Variants in ANKS1B observed in about 807,000 individuals in gnomAD.
ANKS1B encodes the protein ankyrin repeat and sterile alpha motif domain containing 1B, also known as ankyrin repeat and sterile alpha motif domain-containing protein 1B.
In ANKS1B, 36 loss-of-function variants were observed where a neutral mutation model predicts 148.3. The ratio of observed to expected loss-of-function variants is 0.24; its 90% CI spans 0.19 to 0.32. The LOEUF (loss-of-function observed/expected upper bound fraction) is 0.32. ANKS1B is among the 10% of genes least tolerant of loss of function. ANKS1B has a pLI of 1.00. For synonymous variants in ANKS1B, 542 were observed against 560.8 expected, an observed-to-expected ratio of 0.97 and a Z score of 0.47; for missense variants, 1,157 against 1,542.6, an observed-to-expected ratio of 0.75 and a Z score of 4.19.
At chr12:99,034,506 G>C (rs1385631445) in intron 17 of ANKS1B, among the ~76,000 whole-genome samples, 4 of 152,196 alleles carry the variant, frequency 2.6e-5, no homozygotes, top group African/African-American at 9.6e-5. Context: ...TGTAGAGACG[G>C]GGTTTCGCCA....
intron 1 of ANKS1B, among the ~76,000 whole-genome samples, chr12:99,911,615 A>C (rs918217426): frequency 6.6e-6 from 1 of 152,210 alleles, no homozygotes. Flanking sequence ...CCCATTAGCA[A>C]TATAACACAT....
intron 1 of ANKS1B, among the ~76,000 whole-genome samples, chr12:99,924,596 AC>A (rs1235527492): frequency 1.3e-5 from 2 of 152,122 alleles, no homozygotes; most frequent in Non-Finnish European, 2.9e-5. Flanking sequence ...AAGAGGTGGA[AC>A]CTTTTGGGAA....
intron 8 of ANKS1B, among the ~76,000 whole-genome samples, chr12:99,760,197 T>C (rs1044002507): frequency 6.6e-6 from 1 of 151,666 alleles, no homozygotes; most frequent in Non-Finnish European, 1.5e-5. Context: ...TCATTAACAA[T>C]TAGAAAAAAA....
chr12:99,548,245 G>A (rs186975807), intron 9 of ANKS1B, among the ~76,000 whole-genome samples: 124 of 152,106 alleles, frequency 8.2e-4, no homozygotes, highest in African/African-American at 2.7e-3. Flanking sequence ...TTTGCTATAG[G>A]TTGCTAACTA....
At chr12:99,251,401 C>A (rs1470339939) in intron 12 of ANKS1B, among the ~76,000 whole-genome samples, 1 of 152,092 alleles carries the variant, frequency 6.6e-6, no homozygotes, top group East Asian at 1.9e-4. Flanking sequence ...AAAAAGTATA[C>A]TTTGGAAAGA....
chr12:99,114,729 G>C (rs377566011), intron 15 of ANKS1B, among the ~76,000 whole-genome samples: 19 of 151,928 alleles, frequency 1.3e-4, no homozygotes, highest in African/African-American at 4.3e-4. Context: ...TCCAGCCTTG[G>C]TGACAGAGCG....
intron 12 of ANKS1B, among the ~76,000 whole-genome samples, chr12:99,298,279 G>A (rs575380091): frequency 6.6e-5 from 10 of 152,310 alleles, no homozygotes; most frequent in Non-Finnish European, 8.8e-5. Flanking sequence ...TAATCCCCAC[G>A]TGTCAAGGGC....
intron 17 of ANKS1B, among the ~76,000 whole-genome samples, chr12:98,914,207 ACT>A (rs533695407): frequency 6.6e-6 from 1 of 150,628 alleles, no homozygotes; most frequent in Non-Finnish European, 1.5e-5. Flanking sequence ...GTACCTCCCC[ACT>A]CTCTCTTGAT....
At chr12:99,245,176 G>A (rs1392149960) in intron 13 of ANKS1B, among the ~76,000 whole-genome samples, 1 of 152,096 alleles carries the variant, frequency 6.6e-6, no homozygotes, top group Non-Finnish European at 1.5e-5. Flanking sequence ...CTAACCAAAT[G>A]GTTTGACCAA....
chr12:99,448,385 C>T (rs553490900), intron 10 of ANKS1B, among the ~76,000 whole-genome samples: 1 of 152,080 alleles, frequency 6.6e-6, no homozygotes, highest in Non-Finnish European at 1.5e-5. Flanking sequence ...TATATGAAAT[C>T]TAAACAAAGT....
At chr12:99,616,012 C>A (rs1167814875) in intron 9 of ANKS1B, among the ~76,000 whole-genome samples, 7 of 151,946 alleles carry the variant, frequency 4.6e-5, no homozygotes, top group East Asian at 1.9e-4. Flanking sequence ...AAGCAGAGAG[C>A]CAAATCATGA....
intron 17 of ANKS1B, among the ~76,000 whole-genome samples, chr12:98,924,427 T>G (rs12811901): frequency 0.091 from 13,859 of 152,214 alleles, 770 homozygotes; most frequent in Admixed American, 0.18. Flanking sequence ...TTTTCTTCTA[T>G]GCTAAATGGC....
intron 17 of ANKS1B, among the ~76,000 whole-genome samples, chr12:98,839,067 A>G (rs1047557550): frequency 1.3e-5 from 2 of 152,214 alleles, no homozygotes; most frequent in South Asian, 4.1e-4. Context: ...GCAATAATCC[A>G]TGTCCAGCAT....
intron 10 of ANKS1B, among the ~76,000 whole-genome samples, chr12:99,481,381 G>C (rs1211073695): frequency 6.6e-6 from 1 of 151,816 alleles, no homozygotes; most frequent in Non-Finnish European, 1.5e-5. Context: ...TGGCTGAGTA[G>C]TATTCCATGG....
chr12:99,467,474 G>A (rs1202049280), intron 10 of ANKS1B, among the ~76,000 whole-genome samples: 21 of 152,076 alleles, frequency 1.4e-4, no homozygotes, highest in Admixed American at 3.3e-4. Flanking sequence ...AAGGGTATTC[G>A]ATTAGGAAAA....
At chr12:98,926,782 G>A (rs867758594) in intron 17 of ANKS1B, among the ~76,000 whole-genome samples, 1 of 151,736 alleles carries the variant, frequency 6.6e-6, no homozygotes. Flanking sequence ...ACAGAAGAAA[G>A]AATAAGCAAA....
chr12:99,218,230 G>C (rs559211707), intron 14 of ANKS1B, among the ~76,000 whole-genome samples: 4 of 152,100 alleles, frequency 2.6e-5, no homozygotes, highest in African/African-American at 9.6e-5. Flanking sequence ...TTCTCTCCTA[G>C]GATTCTTCTG....
At chr12:99,781,992 A>G in intron 5 of ANKS1B, 30 bp downstream of exon 5, 1 of 1,553,718 alleles carries the variant, frequency 6.4e-7, no homozygotes, top group Non-Finnish European at 8.7e-7. Context: ...ATCTGTCAGG[A>G]TAAGCTCCAT....
intron 8 of ANKS1B, among the ~76,000 whole-genome samples, chr12:99,679,406 C>G (rs928786055): frequency 3.9e-5 from 6 of 152,206 alleles, no homozygotes; most frequent in Non-Finnish European, 7.4e-5. Context: ...CCCCCAGGCT[C>G]AAGCCATCCT....
Sources: gnomAD v4.1 joint callset for allele counts (sites outside exome capture counted in the v4.1 genomes callset) on GRCh38, gnomAD v4.1.1 for gene constraint, MANE v1.5 for transcripts, NCBI Gene and HGNC (gene_info 2026-07-23, HGNC 2026-07-21) for gene names.